DHX58: variants seen among roughly 807,000 people sequenced by gnomAD.
DHX58 encodes ATP-dependent RNA helicase DHX58.
In DHX58, 51 loss-of-function variants were observed where a neutral mutation model predicts 65.0. That is an observed-to-expected ratio of 0.78 (90% CI 0.63 to 0.99). DHX58 has a LOEUF of 0.99. Ranked by LOEUF, DHX58 falls within the 50% of genes least tolerant of loss-of-function variation. The pLI, the probability that DHX58 is intolerant of heterozygous loss-of-function variation, is 0.00. For missense variants in DHX58, 773 were observed against 891.8 expected, an observed-to-expected ratio of 0.87 and a Z score of 1.70; for synonymous variants, 350 against 365.0, an observed-to-expected ratio of 0.96 and a Z score of 0.47.
rs2054167308 is a variant in DHX58, at chr17:42,112,154, C to T, written c.-43G>A. On this transcript the variant is annotated 5_prime_UTR_variant, in exon 2 of 14. Coordinates refer to ENST00000251642, the MANE Select transcript of DHX58 (RefSeq NM_024119.3). ...GTCTGCCCAGGGCAGTCCCACTTAA[C>T]TCAGCCTGGTGCCACTCTGCTCAGC... The T allele has an allele frequency of 8.0e-6, 3 of 374,224 alleles. No individual in the cohort carries two copies. Among genetic ancestry groups the T allele is most frequent in the Non-Finnish European group, 1.4e-5 (3 of 208,848 alleles). The allele number at this position is 374,224 out of a possible 1,614,324, so 23.2% of individuals were successfully genotyped here.
intron 12 of DHX58, 38 bp from the exon 13 acceptor site, chr17:42,102,350 C>A (rs781916307): frequency 6.4e-7 from 1 of 1,569,338 alleles, no homozygotes. Context: ...CCTCATTGAC[C>A]CTCCTCAGCC....
chr17:42,108,649 A>G (rs1330907402), intron 6 of DHX58, among the ~76,000 whole-genome samples: 2 of 152,252 alleles, frequency 1.3e-5, no homozygotes, highest in Non-Finnish European at 2.9e-5. Flanking sequence ...CCAGAGGGAA[A>G]GAGTTAAGCT....
chr17:42,107,844 G>GCC, intron 7 of DHX58, 49 bp from the exon 8 acceptor site: 13 of 1,533,124 alleles, frequency 8.5e-6, no homozygotes, highest in Non-Finnish European at 1.1e-5. Context: ...CCCGCCCCCT[G>GCC]CCCTGCCCCA....
At position 42,102,324 on chromosome 17, in the gene DHX58, G is replaced by C; in HGVS notation, c.1755-12C>G. On this transcript the variant is annotated splice_polypyrimidine_tract_variant and intron_variant, in intron 12 of 13. Transcript: ENST00000251642. ...CATTATAGTAGTTCCTGGAGAGGAA[G>C]GGGGGTGGCCACAGCCCTCATTGAC... 8.7e-6 allele frequency: 14 copies of C among 1,611,226 alleles called. No individual in the cohort carries two copies. The highest frequency in any genetic ancestry group is 1.3e-5 in the African/African-American group (1 of 74,998).
At chr17:42,110,667 G>T in intron 5 of DHX58, 56 bp downstream of exon 5, 1 of 1,521,022 alleles carries the variant, frequency 6.6e-7, no homozygotes. Flanking sequence ...CAGGCAGGGA[G>T]GGAGGGAAGT....
intron 3 of DHX58, 23 bp from the exon 4 acceptor site, chr17:42,111,520 G>GA: frequency 6.2e-7 from 1 of 1,611,748 alleles, no homozygotes. Context: ...AATGAGCTGG[G>GA]AAAAGAGAGC....
chr17:42,108,274 CCTGTCTCA>C (rs2054096524), intron 6 of DHX58, among the ~76,000 whole-genome samples, 166 bp from the exon 7 acceptor site: 1 of 152,128 alleles, frequency 6.6e-6, no homozygotes, highest in Non-Finnish European at 1.5e-5. Context: ...GGAGTCCTGC[CCTGTCTCA>C]CCCGCGATGT....
rs1167300738 is a variant in DHX58, at chr17:42,103,660, C to G, written c.1702G>C (p.Asp568His). The G allele has an allele frequency of 1.9e-6, 3 of 1,613,912 alleles. No homozygotes were observed. The highest frequency in any genetic ancestry group is 2.5e-6 in the Non-Finnish European group (3 of 1,180,044). ...NCMVAVGHGS[D>H]LRKVEGTHHV... ...TGGGTGCCCTCCACCTTCCGCAGGT[C>G]GCTGCCATGGCCCACAGCCACCATG... Residue 568 changes from aspartate to histidine, a missense_variant, in exon 12 of 14, where the codon GAC becomes CAC. Transcript: ENST00000251642.
intron 13 of DHX58, 94 bp downstream of exon 13, chr17:42,102,122 G>A (rs1168938417): frequency 6.7e-7 from 1 of 1,485,256 alleles, no homozygotes; most frequent in Non-Finnish European, 9.3e-7. Context: ...CCATGGGGTG[G>A]GACTGTCTCC....
chr17:42,107,563 T>C lies in DHX58; in HGVS notation c.997+41A>G, dbSNP rs1555662966. 6.7e-6 allele frequency: 10 copies of C among 1,501,148 alleles called. No individual in the cohort carries two copies. The Admixed American group carries it at 1.7e-4, about 26-fold the overall frequency. The allele number at this position is 1,501,148 out of a possible 1,614,324, so 93.0% of individuals were successfully genotyped here. A position where few individuals can be genotyped will look rare whatever the true frequency, so the allele number is the denominator to read the frequency against. On this transcript the variant is annotated intron_variant, in intron 8 of 13. Transcript: ENST00000251642. ...CCTGGCCTCTGACCTCGCATCCAGG[T>C]CCCATCATCCCCGGCCCCGAAGCCC...
chr17:42,112,568 T>TGGG (rs1351973584), intron 1 of DHX58, 37 bp downstream of exon 1: 6 of 16,396 alleles, frequency 3.7e-4, no homozygotes, highest in South Asian at 2.3e-3. Context: ...GGCCAAAAGG[T>TGGG]GGGGGTGGGG....
chr17:42,104,556 A>T (rs1012327543), intron 11 of DHX58, among the ~76,000 whole-genome samples: 2 of 152,180 alleles, frequency 1.3e-5, no homozygotes, highest in Admixed American at 6.5e-5. Flanking sequence ...AGAGCCTTGG[A>T]CAAGGCCTGT....
chr17:42,105,614 G>C (rs2054044289), intron 9 of DHX58, 122 bp downstream of exon 9: 1 of 1,471,634 alleles, frequency 6.8e-7, no homozygotes, highest in South Asian at 1.4e-5. Flanking sequence ...CCTGGGGATA[G>C]TCAACTTTCT....
Position 42,104,860 on chromosome 17 carries a change from A to C in DHX58, c.1469T>G (p.Leu490Arg). The C allele has an allele frequency of 6.2e-7, 1 of 1,614,144 alleles. No individual in the cohort carries two copies. Among genetic ancestry groups the C allele is most frequent in the Non-Finnish European group, 8.5e-7 (1 of 1,180,028 alleles). The change falls in exon 11 of 14, where the codon CTG becomes CGG. Residue 490 changes from leucine (L) to arginine (R), a missense_variant. Physicochemically the swap from Leu to Arg is moderately radical, Grantham distance 102. Coordinates refer to ENST00000251642, the MANE Select transcript of DHX58 (RefSeq NM_024119.3). ...CGCCTCGTTGATCAGCTCCCGCTTC[A>C]GCTCCCGGCTACCTTCAGTTGCTAC... ...AFVATEGSRELKRELINEALE... is the reference protein window; with the variant it reads ...AFVATEGSRERKRELINEALE...
In DHX58 at chr17:42,101,826, A is replaced by C; in HGVS notation, c.1972T>G (p.Ser658Ala). ...TGCAGGAAGTCAAAGTCAGGCACGG[A>C]GAAGGGCACGCGGGACCACTTTTTG... Reference protein sequence around the residue: ...QAKKWSRVPFSVPDFDFLQHC... With the variant: ...QAKKWSRVPFAVPDFDFLQHC... Residue 658 changes from serine (S) to alanine (A), a missense_variant, in exon 14 of 14, where the codon TCC (serine) becomes GCC (alanine). Coordinates refer to ENST00000251642, the MANE Select transcript of DHX58 (RefSeq NM_024119.3). 2.5e-6 allele frequency: 4 copies of C among 1,614,240 alleles called. No homozygotes were observed. Among genetic ancestry groups the C allele is most frequent in the Non-Finnish European group, 3.4e-6 (4 of 1,180,038 alleles).
At chr17:42,104,718 C>G (rs781862411) in intron 11 of DHX58, 48 bp downstream of exon 11, 1 of 1,599,844 alleles carries the variant, frequency 6.3e-7, no homozygotes. Context: ...CAGGGAGGGG[C>G]TCCCTCCTCC....
Position 42,111,488 on chromosome 17 carries a change from C to G in DHX58, c.178G>C (p.Val60Leu), listed in dbSNP as rs782581987. ...VVVLVNRVHLVTQHGEEFRRM... is the reference protein window; with the variant it reads ...VVVLVNRVHLLTQHGEEFRRM... ...CTGAACTCTTCACCATGCTGGGTCA[C>G]CAGGTGCACCTGGGGGTGGAGAATG... Residue 60 changes from valine to leucine, a missense_variant, in exon 4 of 14, where the codon GTG (valine) becomes CTG (leucine). Coordinates refer to ENST00000251642, the MANE Select transcript of DHX58 (RefSeq NM_024119.3). 4.5e-5 allele frequency: 73 copies of G among 1,613,784 alleles called. No individual in the cohort carries two copies. Among genetic ancestry groups the G allele is most frequent in the Non-Finnish European group, 5.9e-5 (70 of 1,179,960 alleles).
In DHX58 at chr17:42,104,632, C is replaced by T; in HGVS notation, c.1563+134G>A. The T allele has an allele frequency of 1.3e-5, 16 of 1,220,986 alleles. No individual in the cohort carries two copies. The South Asian group carries it at 2.4e-4, about 19-fold the overall frequency. 75.6% of individuals were successfully genotyped at this position (1,220,986 alleles called of 1,614,324 possible). ...AGCCCCACCCCGGCCCTTATTTAAA[C>T]CTTCCCTAGGTGGCCAAAGTTAGCC... is the stretch of plus-strand genomic sequence containing the variant. On this transcript the variant is annotated intron_variant, in intron 11 of 13. Transcript: ENST00000251642.
chr17:42,102,477 T>C (rs1213221501), intron 12 of DHX58, 165 bp from the exon 13 acceptor site: 29 of 621,552 alleles, frequency 4.7e-5, no homozygotes, highest in Non-Finnish European at 8.0e-5. Flanking sequence ...GTTCTACCTG[T>C]GTGGCCTCCA....
Sources: allele counts gnomAD v4.1 joint callset (sites outside exome capture counted in the v4.1 genomes callset), GRCh38; gene constraint gnomAD v4.1.1; transcripts MANE v1.5; gene names NCBI Gene and HGNC (gene_info 2026-07-23, HGNC 2026-07-21).